The following NAA35 variants were observed in gnomAD, a reference collection of about 807,000 sequenced individuals.
The protein encoded by NAA35 is N-alpha-acetyltransferase 35, NatC auxiliary subunit.
In NAA35, 18 loss-of-function variants were observed where a neutral mutation model predicts 101.7. The observed-to-expected ratio is 0.18, with a 90% CI of 0.12 to 0.26. The LOEUF is 0.26. Among genes scored for constraint, NAA35 ranks in the 10% least tolerant of loss-of-function variants. The probability of loss-of-function intolerance (pLI) is 1.00; values close to 1 mark genes in which losing one functional copy is unlikely to be tolerated. For missense variants in NAA35, 601 were observed against 886.8 expected, an observed-to-expected ratio of 0.68 and a Z score of 4.09; for synonymous variants, 267 against 273.1, an observed-to-expected ratio of 0.98 and a Z score of 0.22.
chr9:85,985,926 C>G (rs1411291654), intron 11 of NAA35, among the ~76,000 whole-genome samples: 2 of 152,140 alleles, frequency 1.3e-5, no homozygotes, highest in East Asian at 3.9e-4. Context: ...AAGATGTGCT[C>G]CATTAAAACA....
chr9:86,015,276 T>C (rs1309458835), intron 17 of NAA35, among the ~76,000 whole-genome samples: 1 of 152,228 alleles, frequency 6.6e-6, no homozygotes, highest in Non-Finnish European at 1.5e-5. Context: ...TTGTTTCTTT[T>C]CTTGTTAAAA....
chr9:86,011,545 G>GA (rs1831918808), intron 15 of NAA35, among the ~76,000 whole-genome samples: 1 of 150,804 alleles, frequency 6.6e-6, no homozygotes, highest in Admixed American at 6.6e-5. Flanking sequence ...ATTTTTTGTG[G>GA]AGACAGGTTC....
At chr9:85,986,519 G>A in intron 11 of NAA35, 1 of 459,988 alleles carries the variant, frequency 2.2e-6, no homozygotes. Context: ...GAGATAATGT[G>A]TAAAACTGAA....
At chr9:85,991,030 G>A (rs1830882407) in intron 11 of NAA35, among the ~76,000 whole-genome samples, 1 of 152,204 alleles carries the variant, frequency 6.6e-6, no homozygotes, top group Non-Finnish European at 1.5e-5. Flanking sequence ...TAAAGTGAGT[G>A]GAGAAGGGTA....
At chr9:85,982,667 A>G (rs1441408055) in intron 11 of NAA35, among the ~76,000 whole-genome samples, 3 of 152,210 alleles carry the variant, frequency 2.0e-5, no homozygotes, top group East Asian at 1.9e-4. Flanking sequence ...TCTAACACAC[A>G]GTTTCAAGAG....
intron 12 of NAA35, 73 bp downstream of exon 12, chr9:85,996,650 TA>T: frequency 5.8e-6 from 7 of 1,203,504 alleles, no homozygotes; most frequent in Non-Finnish European, 8.0e-6. Flanking sequence ...TGTACATATT[TA>T]TGTGGTAACT....
At chr9:85,969,931 C>G (rs151245281) in intron 6 of NAA35, among the ~76,000 whole-genome samples, 109 of 151,718 alleles carry the variant, frequency 7.2e-4, no homozygotes, top group African/African-American at 2.5e-3. Flanking sequence ...CTGCTCTAGT[C>G]AGGCTTTACA....
intron 11 of NAA35, among the ~76,000 whole-genome samples, chr9:85,984,641 A>G (rs1830572721): frequency 6.6e-6 from 1 of 152,352 alleles, no homozygotes; most frequent in East Asian, 1.9e-4. Flanking sequence ...ACTCAAAGCT[A>G]TAGCAATGAA....
At chr9:85,945,081 C>T (rs1012140633) in intron 2 of NAA35, among the ~76,000 whole-genome samples, 1 of 152,122 alleles carries the variant, frequency 6.6e-6, no homozygotes, top group Admixed American at 6.5e-5. Context: ...GGCTTGCCTT[C>T]GAGTTATATC....
intron 2 of NAA35, among the ~76,000 whole-genome samples, chr9:85,952,409 C>G (rs1445460974): frequency 1.3e-5 from 2 of 151,590 alleles, no homozygotes; most frequent in Non-Finnish European, 2.9e-5. Flanking sequence ...CCTCAGCCTC[C>G]CGAGTAGCTG....
At chr9:86,000,867 G>A (rs1831393158) in intron 12 of NAA35, among the ~76,000 whole-genome samples, 1 of 151,734 alleles carries the variant, frequency 6.6e-6, no homozygotes, top group Non-Finnish European at 1.5e-5. Context: ...CTTTTGAATG[G>A]GTTTTCATGT....
At chr9:85,965,959 T>A (rs886069809) in intron 6 of NAA35, among the ~76,000 whole-genome samples, 1 of 152,152 alleles carries the variant, frequency 6.6e-6, no homozygotes, top group Non-Finnish European at 1.5e-5. Flanking sequence ...ATTTTATTTC[T>A]AGGGGGTTCC....
chr9:85,959,142 C>T (rs939905275), intron 4 of NAA35, among the ~76,000 whole-genome samples: 2 of 151,774 alleles, frequency 1.3e-5, no homozygotes, highest in East Asian at 1.9e-4. Context: ...TTTGGGAGGC[C>T]GAGGTGGGTG....
chr9:85,963,744 A>G (rs755883375), intron 6 of NAA35, among the ~76,000 whole-genome samples: 4 of 152,208 alleles, frequency 2.6e-5, no homozygotes, highest in Non-Finnish European at 5.9e-5. Context: ...AGTATTTTCA[A>G]AGTACAACTA....
At chr9:85,952,777 C>T (rs1829077784) in intron 2 of NAA35, among the ~76,000 whole-genome samples, 1 of 152,178 alleles carries the variant, frequency 6.6e-6, no homozygotes, top group Non-Finnish European at 1.5e-5. Context: ...AAGTCAAGAA[C>T]TAAAAGTGAG....
At chr9:85,984,008 G>C (rs1830543428) in intron 11 of NAA35, among the ~76,000 whole-genome samples, 1 of 140,788 alleles carries the variant, frequency 7.1e-6, no homozygotes, top group Non-Finnish European at 1.5e-5. Context: ...CAGAAGTATA[G>C]ATCAGAAAAT....
intron 11 of NAA35, among the ~76,000 whole-genome samples, chr9:85,984,879 C>G: frequency 6.6e-6 from 1 of 152,136 alleles, no homozygotes; most frequent in Non-Finnish European, 1.5e-5. Flanking sequence ...AAAGTCAACT[C>G]AGAATGGATC....
At chr9:85,983,936 T>A (rs1301417304) in intron 11 of NAA35, among the ~76,000 whole-genome samples, 1 of 151,104 alleles carries the variant, frequency 6.6e-6, no homozygotes, top group East Asian at 1.9e-4. Context: ...TCAAGAAAGG[T>A]CTACTATCTA....
At chr9:86,021,749 A>C in intron 22 of NAA35, 152 bp from the exon 23 acceptor site, 1 of 637,264 alleles carries the variant, frequency 1.6e-6, no homozygotes, top group Non-Finnish European at 2.6e-6. Flanking sequence ...GTTAGTTCCT[A>C]CCTTTTTTGT....
Sources: gnomAD v4.1 joint callset for allele counts (sites outside exome capture counted in the v4.1 genomes callset) on GRCh38, gnomAD v4.1.1 for gene constraint, MANE v1.5 for transcripts, NCBI Gene and HGNC (gene_info 2026-07-23, HGNC 2026-07-21) for gene names.